DGKI: variants seen among roughly 807,000 people sequenced by gnomAD.
The protein encoded by DGKI is diacylglycerol kinase iota, also known as DAG kinase iota.
A neutral mutation model predicts 147.5 loss-of-function variants in DGKI; 55 were observed. The ratio of observed to expected loss-of-function variants is 0.37; its 90% CI spans 0.30 to 0.47. The LOEUF (loss-of-function observed/expected upper bound fraction) is 0.47, where lower values mean the gene tolerates loss of function less well. Among genes scored for constraint, DGKI ranks in the 20% least tolerant of loss-of-function variants. The pLI is 1.00. For missense variants in DGKI, 1,007 were observed against 1,323.8 expected (o/e 0.76, Z 3.71); for synonymous variants, 469 against 477.1 (o/e 0.98, Z 0.22).
chr7:137,741,603 A>G (rs1473252783), intron 1 of DGKI, among the ~76,000 whole-genome samples: 1 of 152,178 alleles, frequency 6.6e-6, no homozygotes, highest in African/African-American at 2.4e-5. Flanking sequence ...CTGTGTCTGA[A>G]CGATAAGATG....
At chr7:137,654,694 C>G (rs1822156105) in intron 5 of DGKI, 38 bp downstream of exon 5, 1 of 1,392,496 alleles carries the variant, frequency 7.2e-7, no homozygotes, top group Non-Finnish European at 1.0e-6. Flanking sequence ...AATGAGAAAT[C>G]AAAGGTGATA....
chr7:137,405,518 T>G (rs1290246579), intron 30 of DGKI, among the ~76,000 whole-genome samples: 1 of 152,216 alleles, frequency 6.6e-6, no homozygotes, highest in South Asian at 2.1e-4. Context: ...ATTGTTCACT[T>G]TAAACTGCAG....
intron 12 of DGKI, among the ~76,000 whole-genome samples, chr7:137,589,372 A>G (rs706559): frequency 0.018 from 2,781 of 152,338 alleles, 88 homozygotes; most frequent in African/African-American, 0.063. Flanking sequence ...TGGTTCACCC[A>G]ATGTGGTAAC....
At position 137,799,309 on chromosome 7, in the gene DGKI, A is replaced by G. The variant is rs1797126180; in HGVS notation, c.401+47153T>C. On this transcript the variant is annotated intron_variant, in intron 1 of 32. Transcript: ENST00000614521. Reference sequence around the variant, plus strand: ...TATTTGAAATGCCCAGAATAGGCCAATATACAGATAGAAAGTAGATTAGTG... The same window carrying G: ...TATTTGAAATGCCCAGAATAGGCCAGTATACAGATAGAAAGTAGATTAGTG... Among the ~76,000 whole-genome samples the G allele has an allele frequency of 2.0e-5, 3 of 152,314 alleles. 1 individual carries two copies. In the South Asian group the frequency reaches 6.2e-4, roughly 32 times the overall value.
chr7:137,638,646 A>G lies in DGKI; in HGVS notation c.804+6826T>C, dbSNP rs1321685556. Among the ~76,000 whole-genome samples the G allele has an allele frequency of 1.4e-3, 10 of 7,324 alleles. 1 individual carries two copies. Among genetic ancestry groups the G allele is most frequent in the African/African-American group, 8.9e-3 (6 of 674 alleles). 4.8% of individuals were successfully genotyped at this position (7,324 alleles called of 152,430 possible). ...CATATATATGTGTGTATATATGTGT[A>G]TGTATATACACACATATGTATATAT... On this transcript the variant is annotated intron_variant, in intron 6 of 32. Transcript: ENST00000614521.
chr7:137,738,960 C>T (rs1795099596), intron 1 of DGKI, among the ~76,000 whole-genome samples: 1 of 152,136 alleles, frequency 6.6e-6, no homozygotes, highest in Admixed American at 6.6e-5. Flanking sequence ...AGGGCAATTA[C>T]TAGACATATG....
intron 21 of DGKI, among the ~76,000 whole-genome samples, chr7:137,503,132 A>G (rs193127429): frequency 6.6e-6 from 1 of 152,262 alleles, no homozygotes; most frequent in East Asian, 1.9e-4. Flanking sequence ...ATTCAGGTGA[A>G]CTTATAGACC....
chr7:137,475,967 C>G (rs1815156724), intron 23 of DGKI, among the ~76,000 whole-genome samples: 1 of 152,018 alleles, frequency 6.6e-6, no homozygotes, highest in African/African-American at 2.4e-5. Context: ...ATGGAAGGCT[C>G]AATTCACATT....
At chr7:137,617,286 G>A (rs1585290392) in intron 8 of DGKI, among the ~76,000 whole-genome samples, 1 of 152,036 alleles carries the variant, frequency 6.6e-6, no homozygotes, top group African/African-American at 2.4e-5. Context: ...TGGGTAAAGT[G>A]ACCCAATTTC....
intron 27 of DGKI, among the ~76,000 whole-genome samples, chr7:137,449,255 A>G (rs1435911626): frequency 6.6e-6 from 1 of 152,244 alleles, no homozygotes; most frequent in Non-Finnish European, 1.5e-5. Flanking sequence ...AAGCTACAGT[A>G]ACCAAATCAG....
At chr7:137,817,927 G>A (rs987064692) in intron 1 of DGKI, among the ~76,000 whole-genome samples, 2 of 152,132 alleles carry the variant, frequency 1.3e-5, no homozygotes, top group Non-Finnish European at 2.9e-5. Flanking sequence ...GTACTAGTAC[G>A]AACTTATCAG....
chr7:137,428,658 G>A (rs1221499088), intron 28 of DGKI, among the ~76,000 whole-genome samples: 1 of 152,084 alleles, frequency 6.6e-6, no homozygotes, highest in Non-Finnish European at 1.5e-5. Flanking sequence ...AAACCCCATT[G>A]TCTCAGCCCA....
intron 20 of DGKI, among the ~76,000 whole-genome samples, chr7:137,535,000 T>C (rs535237504): frequency 1.3e-5 from 2 of 152,222 alleles, no homozygotes; most frequent in African/African-American, 4.8e-5. Context: ...AGACAGCATC[T>C]ACAAGACAAG....
rs60494368 is a variant in DGKI, at chr7:137,422,595, C to CTTTTTTTTT, written c.2762-10397_2762-10389dup. ...TTGTAAAGCATTTTCTTTTTCTTTT[C>CTTTTTTTTT]TTTTTTTTTTTTTTTTTTTTTTTTT... On this transcript the variant is annotated intron_variant, in intron 28 of 32. Transcript: ENST00000614521. Among the ~76,000 whole-genome samples the CTTTTTTTTT allele has an allele frequency of 1.4e-3, 87 of 61,996 alleles. 4 individuals are homozygous for CTTTTTTTTT. Among genetic ancestry groups the CTTTTTTTTT allele is most frequent in the African/African-American group, 2.1e-3 (32 of 15,408 alleles). 40.7% of individuals were successfully genotyped at this position (61,996 alleles called of 152,430 possible). A position where few individuals can be genotyped will look rare whatever the true frequency, so the allele number is the denominator to read the frequency against.
intron 1 of DGKI, among the ~76,000 whole-genome samples, chr7:137,802,561 G>T (rs1017383757): frequency 6.6e-6 from 1 of 152,076 alleles, no homozygotes; most frequent in Admixed American, 6.5e-5. Flanking sequence ...CATAAATAGG[G>T]TTATGGCTTT....
intron 1 of DGKI, among the ~76,000 whole-genome samples, chr7:137,776,203 A>G (rs1796356289): frequency 6.6e-6 from 1 of 152,234 alleles, no homozygotes; most frequent in African/African-American, 2.4e-5. Context: ...GTATTATGCA[A>G]TGAGTGAATC....
At chr7:137,807,938 T>C (rs1033541728) in intron 1 of DGKI, among the ~76,000 whole-genome samples, 1 of 152,142 alleles carries the variant, frequency 6.6e-6, no homozygotes, top group Non-Finnish European at 1.5e-5. Flanking sequence ...AGAGCGAATA[T>C]AGGTGTGTGT....
chr7:137,550,208 C>T (rs1817999640), intron 20 of DGKI, among the ~76,000 whole-genome samples: 1 of 150,804 alleles, frequency 6.6e-6, no homozygotes, highest in Non-Finnish European at 1.5e-5. Flanking sequence ...CTCTGTTGCC[C>T]AGGCTGGAGT....
chr7:137,395,562 C>A, intron 32 of DGKI, 36 bp downstream of exon 32: 1 of 1,592,216 alleles, frequency 6.3e-7, no homozygotes, highest in Non-Finnish European at 8.6e-7. Flanking sequence ...CGATCTCGCC[C>A]AGCGGGAGGA....
Sources: allele counts gnomAD v4.1 joint callset (sites outside exome capture counted in the v4.1 genomes callset), GRCh38; gene constraint gnomAD v4.1.1; transcripts MANE v1.5; gene names NCBI Gene and HGNC (gene_info 2026-07-23, HGNC 2026-07-21).